The following HHATL variants were observed in gnomAD, a reference collection of about 807,000 sequenced individuals.
HHATL encodes protein-cysteine N-palmitoyltransferase HHAT-like protein.
A neutral mutation model predicts 59.7 loss-of-function variants in HHATL; 49 were observed. The observed-to-expected ratio is 0.82, with a 90% CI of 0.65 to 1.04. The LOEUF is 1.04. Among genes scored for constraint, HHATL ranks in the 50% least tolerant of loss-of-function variants. The pLI is 0.00. For missense variants in HHATL, 605 were observed against 650.8 expected (o/e 0.93, Z 0.77); for synonymous variants, 238 against 257.3 (o/e 0.93, Z 0.72).
rs1697994041 is a variant in HHATL at position 42,701,595 on chromosome 3, C to CGGGGCCAGGT, written c.-13-757_-13-756insACCTGGCCCC. ...GGATGTGGGGCCAGGCGGGGCCAGGCGGGGCCAGGGAGGGCACTGGCTGCT... is the reference window on the plus strand; with the variant it reads ...GGATGTGGGGCCAGGCGGGGCCAGGCGGGGCCAGGTGGGGCCAGGGAGGGCACTGGCTGCT... On this transcript the variant is annotated intron_variant, in intron 1 of 11. Coordinates refer to ENST00000441594, the MANE Select transcript of HHATL (RefSeq NM_020707.4). This position sits in a 1 kb window ranked among gnomAD's most constrained non-coding sequence, Gnocchi z 5.1. 2 of 152,472 alleles carry CGGGGCCAGGT rather than the reference C, an allele frequency of 1.3e-5. No homozygotes were observed. The highest frequency in any genetic ancestry group is 4.8e-5 in the African/African-American group (2 of 41,390). 9.4% of individuals were successfully genotyped at this position (152,472 alleles called of 1,614,324 possible).
rs373130948 is a variant in HHATL at position 42,698,154 on chromosome 3, G to A, written c.681C>T (p.Arg227=). 3.7e-4 allele frequency: 602 copies of A among 1,614,158 alleles called. 5 individuals carry two copies. Among genetic ancestry groups the A allele is most frequent in the South Asian group, 3.6e-3 (329 of 91,084 alleles). The change falls in exon 6 of 12, where the codon CGC becomes CGT. Residue 227 remains arginine, a synonymous_variant. Transcript: ENST00000441594. Reference sequence around the variant, plus strand: ...GGTGTCCCCTCACCTGAGCATGGAAGCGATCAAAGGTCATGATGGGCCCGA... The same window carrying A: ...GGTGTCCCCTCACCTGAGCATGGAAACGATCAAAGGTCATGATGGGCCCGA... The part of the protein sequence containing the change: ...FFFGPIMTFD[R]FHAQVSQVEP...
In HHATL at chr3:42,697,053, C is replaced by T; in HGVS notation, c.958G>A (p.Asp320Asn). 1 of 1,594,030 alleles carries T rather than the reference C, an allele frequency of 6.3e-7. No homozygotes were observed. Among genetic ancestry groups the T allele is most frequent in the Non-Finnish European group, 8.6e-7 (1 of 1,169,114 alleles). The change falls in exon 8 of 12, where the codon GAC becomes AAC. Residue 320 changes from aspartate (D) to asparagine (N), a missense_variant. Asp to Asn is a conservative substitution (Grantham distance 23, BLOSUM62 1). Coordinates refer to ENST00000441594, the MANE Select transcript of HHATL (RefSeq NM_020707.4). ...ATGCACTTGGGAGGCTGGGGTGGGTCCAGGTGGTCGAGGCATGCCACAGTG... is the reference window on the plus strand; with the variant it reads ...ATGCACTTGGGAGGCTGGGGTGGGTTCAGGTGGTCGAGGCATGCCACAGTG... Reference protein sequence around the residue: ...VNTVACLDHLDPPQPPKCITA... With the variant: ...VNTVACLDHLNPPQPPKCITA...
intron 1 of HHATL, among the ~76,000 whole-genome samples, chr3:42,702,341 G>T (rs1380639621): frequency 1.3e-5 from 2 of 152,244 alleles, no homozygotes; most frequent in African/African-American, 4.8e-5. Flanking sequence ...CCGGTGCGGG[G>T]TGTCCCCAGT....
rs556340763 is a variant in HHATL at position 42,697,422 on chromosome 3, T to C, written c.865+86A>G. 3.0e-5 allele frequency: 44 copies of C among 1,454,916 alleles called. No individual in the cohort carries two copies. In the African/African-American group the frequency reaches 5.6e-4, roughly 19 times the overall value. 90.1% of individuals were successfully genotyped at this position (1,454,916 alleles called of 1,614,324 possible). A position where few individuals can be genotyped will look rare whatever the true frequency, so the allele number is the denominator to read the frequency against. On this transcript the variant is annotated intron_variant, in intron 7 of 11. Transcript: ENST00000441594. ...GGTGCTGTGCCCTGCGTGCCTCAGC[T>C]CCCCTGACTGTGGCACCGTGGGGGT...
At chr3:42,700,944 C>A (rs1337485022) in intron 1 of HHATL, 105 bp from the exon 2 acceptor site, 5 of 707,554 alleles carry the variant, frequency 7.1e-6, no homozygotes, top group Admixed American at 4.8e-5. Flanking sequence ...AGAGATTGCC[C>A]CTCCAGCCCC....
chr3:42,697,043 TG>T lies in HHATL; in HGVS notation c.967del (p.Gln323SerfsTer40). ...GAGTGCGGTGATGCACTTGGGAGGC[TG>T]GGGTGGGTCCAGGTGGTCGAGGCAT... ...VACLDHLDPP[Q>X]PPKCITALYV... On this transcript the variant is annotated frameshift_variant, in exon 8 of 12. Coordinates refer to ENST00000441594, the MANE Select transcript of HHATL (RefSeq NM_020707.4). LOFTEE classifies it high-confidence loss of function. The T allele has an allele frequency of 6.3e-7, 1 of 1,598,104 alleles. No individual in the cohort carries two copies.
chr3:42,697,740 G>C, intron 6 of HHATL, 61 bp from the exon 7 acceptor site: 1 of 1,542,696 alleles, frequency 6.5e-7, no homozygotes, highest in Admixed American at 1.8e-5. Context: ...CCCTGTCTGA[G>C]GGGGGCTCAC....
Position 42,693,145 on chromosome 3 carries a change from A to G in HHATL, c.1322T>C (p.Met441Thr), listed in dbSNP as rs746325431. The change falls in exon 11 of 12, where the codon ATG becomes ACG. Residue 441 changes from methionine to threonine, a missense_variant. By Grantham distance (81) the Met-to-Thr change is moderately conservative. Coordinates refer to ENST00000441594, the MANE Select transcript of HHATL (RefSeq NM_020707.4). ...GCTGTTCAGGCTCACAAGGTTGTACATGATGATGGCCCAGAAGTTCATGGC... is the reference window on the plus strand; with the variant it reads ...GCTGTTCAGGCTCACAAGGTTGTACGTGATGATGGCCCAGAAGTTCATGGC... ...FGAMNFWAII[M>T]YNLVSLNSLK... The G allele has an allele frequency of 1.9e-6, 3 of 1,614,234 alleles. No individual in the cohort carries two copies. Among genetic ancestry groups the G allele is most frequent in the East Asian group, 2.2e-5 (1 of 44,890 alleles).
intron 2 of HHATL, among the ~76,000 whole-genome samples, chr3:42,700,447 TG>T (rs1697907486): frequency 1.3e-5 from 1 of 74,560 alleles, no homozygotes; most frequent in African/African-American, 6.3e-5. Flanking sequence ...CAGGCCTCTG[TG>T]TGTGTGTGTG....
At chr3:42,692,905 G>A (rs748175774) in intron 11 of HHATL, 30 bp from the exon 12 acceptor site, 1 of 1,609,096 alleles carries the variant, frequency 6.2e-7, no homozygotes, top group Non-Finnish European at 8.5e-7. Context: ...TAGATGCTCA[G>A]GAGCAGCACT....
rs1339481996 is a variant in HHATL at position 42,698,335 on chromosome 3, C to T, written c.500G>A (p.Gly167Asp). 6.2e-7 allele frequency: 1 copy of T among 1,612,146 alleles called. No individual in the cohort carries two copies. The highest frequency in any genetic ancestry group is 2.2e-5 in the East Asian group (1 of 44,854). ...LISWQSGFVT[G>D]TFDLQEVLFH... is the part of the protein sequence containing the mutation. ...CAGCACCTCTTGAAGATCAAAAGTG[C>T]CTGTTACAAACCCGCTCTGGAGGGG... is the stretch of plus-strand genomic sequence containing the variant. The change falls in exon 6 of 12, where the codon GGC (glycine) becomes GAC (aspartate). Residue 167 changes from glycine to aspartate, a missense_variant. Physicochemically the swap from Gly to Asp is moderately conservative, Grantham distance 94 (BLOSUM62 -1). Transcript: ENST00000441594.
Position 42,697,615 on chromosome 3 carries a change from AG to A in HHATL, c.757del (p.Leu253Ter), listed in dbSNP as rs1170522691. ...ELWHIRAQAG[L>X]SVVAIMAVDI... is the part of the protein sequence containing the mutation. ...GACGGCCATGATGGCCACCACGCTT[AG>A]GCCTGCCTGGGCTCGGATGTGCCAC... On this transcript the variant is annotated frameshift_variant, in exon 7 of 12. Transcript: ENST00000441594. LOFTEE classifies it high-confidence loss of function. 1 of 1,614,122 alleles carries A rather than the reference AG, an allele frequency of 6.2e-7. No individual in the cohort carries two copies. The highest frequency in any genetic ancestry group is 8.5e-7 in the Non-Finnish European group (1 of 1,179,994).
chr3:42,701,751 G>A lies in HHATL; in HGVS notation c.-14+828C>T, dbSNP rs1003431328. 1.3e-5 allele frequency among the ~76,000 whole-genome samples: 2 copies of A among 152,186 alleles called. No homozygotes were observed. The highest frequency in any genetic ancestry group is 4.8e-5 in the African/African-American group (2 of 41,444). ...CTAGCACCTTTACCCTTCCTATCCC[G>A]CTTCAGCCTGGCTCAGGGGCTTCCC... On this transcript the variant is annotated intron_variant, in intron 1 of 11. Transcript: ENST00000441594. This position sits in a 1 kb window ranked among gnomAD's most constrained non-coding sequence, Gnocchi z 5.1.
chr3:42,701,544 T>C lies in HHATL; in HGVS notation c.-13-705A>G, dbSNP rs1041371027. On this transcript the variant is annotated intron_variant, in intron 1 of 11. Coordinates refer to ENST00000441594, the MANE Select transcript of HHATL (RefSeq NM_020707.4). The surrounding 1 kb of genome is among the most constrained non-coding windows in gnomAD (Gnocchi z 5.1). ...CCTGGGCACCAGCTGGAGGCTGTGC[T>C]ATTTGAGGAGGTGCCCAGGAGTAGC... 6.6e-6 allele frequency: 1 copy of C among 152,500 alleles called. No homozygotes were observed. The highest frequency in any genetic ancestry group is 1.5e-5 in the Non-Finnish European group (1 of 68,270). 9.4% of individuals were successfully genotyped at this position (152,500 alleles called of 1,614,324 possible).
intron 2 of HHATL, among the ~76,000 whole-genome samples, chr3:42,700,080 CTG>C (rs138596367): frequency 2.7e-4 from 35 of 129,058 alleles, no homozygotes; most frequent in East Asian, 4.6e-4. Flanking sequence ...GTCCAGGTCT[CTG>C]TGTGTGTGTG....
At chr3:42,693,306 G>T (rs1697436135) in intron 10 of HHATL, 88 bp from the exon 11 acceptor site, 1 of 1,533,626 alleles carries the variant, frequency 6.5e-7, no homozygotes, top group Admixed American at 1.7e-5. Flanking sequence ...CACCTGGCCA[G>T]TCAGGTCTTG....
Position 42,697,029 on chromosome 3 carries a change from T to C in HHATL, c.982A>G (p.Ile328Val), listed in dbSNP as rs1381783321. ...TCCGCAAAGACGTAGAGTGCGGTGA[T>C]GCACTTGGGAGGCTGGGGTGGGTCC... ...HLDPPQPPKC[I>V]TALYVFAETH... Residue 328 changes from isoleucine to valine, a missense_variant, in exon 8 of 12, where the codon ATC (isoleucine) becomes GTC (valine). Ile to Val is a conservative substitution (Grantham distance 29). Coordinates refer to ENST00000441594, the MANE Select transcript of HHATL (RefSeq NM_020707.4). The C allele has an allele frequency of 3.7e-6, 6 of 1,601,120 alleles. No homozygotes were observed. Among genetic ancestry groups the C allele is most frequent in the Non-Finnish European group, 5.1e-6 (6 of 1,172,386 alleles).
At position 42,697,564 on chromosome 3, in the gene HHATL, A is replaced by T. The variant is rs373120380; in HGVS notation, c.809T>A (p.Ile270Asn). The change falls in exon 7 of 12, where the codon ATC (isoleucine) becomes AAC (asparagine). Residue 270 changes from isoleucine to asparagine, a missense_variant. Transcript: ENST00000441594. ...AVDIFFHFFY[I>N]LTIPSDLKFA... ...CTTGAGGTCGCTGGGGATAGTGAGG[A>T]TGTAGAAGAAGTGAAAGAAGATGTC... 1 of 1,614,028 alleles carries T rather than the reference A, an allele frequency of 6.2e-7. No homozygotes were observed. Among genetic ancestry groups the T allele is most frequent in the Non-Finnish European group, 8.5e-7 (1 of 1,179,960 alleles).
chr3:42,699,470 C>T (rs571002525), intron 3 of HHATL, among the ~76,000 whole-genome samples: 5 of 152,190 alleles, frequency 3.3e-5, no homozygotes, highest in Admixed American at 2.6e-4. Flanking sequence ...CTCCTCCGCA[C>T]GTTGCCTGCC....
Sources: allele counts gnomAD v4.1 joint callset (sites outside exome capture counted in the v4.1 genomes callset), GRCh38; gene constraint gnomAD v4.1.1; non-coding constraint Gnocchi (gnomAD v3.1); transcripts MANE v1.5; gene names NCBI Gene and HGNC (gene_info 2026-07-23, HGNC 2026-07-21).